The following ATP10B variants were observed in gnomAD, a reference collection of about 807,000 sequenced individuals.
The protein encoded by ATP10B is ATPase phospholipid transporting 10B (putative).
Under a neutral mutation model 141.2 loss-of-function variants are expected in ATP10B, and 122 were observed. The observed-to-expected ratio is 0.86, with a 90% CI of 0.75 to 1.00. The LOEUF is 1.00. ATP10B is among the 50% of genes least tolerant of loss of function. ATP10B has a pLI of 0.00. For missense variants in ATP10B, 1,876 were observed against 1,825.3 expected (o/e 1.03, Z -0.51); for synonymous variants, 685 against 692.0 (o/e 0.99, Z 0.16).
At chr5:160,629,052 T>C (rs1369207687) in intron 13 of ATP10B, among the ~76,000 whole-genome samples, 2 of 152,174 alleles carry the variant, frequency 1.3e-5, no homozygotes, top group Admixed American at 6.5e-5. Flanking sequence ...GGTGGTAGAA[T>C]GCTCCCTGGA....
At chr5:160,623,642 C>A (rs1228012370) in intron 13 of ATP10B, among the ~76,000 whole-genome samples, 3 of 152,176 alleles carry the variant, frequency 2.0e-5, no homozygotes, top group East Asian at 3.9e-4. Flanking sequence ...TTGAACCATC[C>A]CTTTGGAATT....
intron 22 of ATP10B, among the ~76,000 whole-genome samples, chr5:160,595,328 G>A (rs1756601255): frequency 6.6e-6 from 1 of 151,962 alleles, no homozygotes. Flanking sequence ...AAATAAAGAT[G>A]TTCTTTGAAA....
chr5:160,831,985 T>C (rs771159150), intron 1 of ATP10B, among the ~76,000 whole-genome samples: 2 of 152,122 alleles, frequency 1.3e-5, no homozygotes, highest in Non-Finnish European at 2.9e-5. Context: ...AATCCTTTTA[T>C]AGAACAATAA....
intron 5 of ATP10B, among the ~76,000 whole-genome samples, chr5:160,686,516 T>C (rs1234830735): frequency 6.6e-6 from 1 of 152,202 alleles, no homozygotes; most frequent in Admixed American, 6.5e-5. Context: ...TTGTGAGATT[T>C]TGGTGCATCC....
At chr5:160,606,721 T>A (rs761954537) in intron 19 of ATP10B, 44 bp downstream of exon 19, 2 of 1,577,948 alleles carry the variant, frequency 1.3e-6, no homozygotes, top group South Asian at 2.4e-5. Context: ...TTTCATCAGA[T>A]CATCCCTGCC....
chr5:160,671,968 CCTTTTT>C (rs1431311954), intron 6 of ATP10B, among the ~76,000 whole-genome samples: 1 of 73,420 alleles, frequency 1.4e-5, no homozygotes, highest in African/African-American at 5.0e-5. Flanking sequence ...GGCAATGCAT[CCTTTTT>C]TTTTTTTTTT....
intron 1 of ATP10B, among the ~76,000 whole-genome samples, chr5:160,827,824 G>A (rs140079536): frequency 0.01 from 1,551 of 152,234 alleles, 17 homozygotes; most frequent in South Asian, 0.024. Context: ...TTATTGAAAA[G>A]CAATTCATTT....
chr5:160,715,199 C>G (rs971213751), intron 3 of ATP10B, among the ~76,000 whole-genome samples: 3 of 142,592 alleles, frequency 2.1e-5, no homozygotes, highest in Non-Finnish European at 4.6e-5. Flanking sequence ...CAATGGCGGG[C>G]GCCCCTCCCC....
the ATP10B span, among the ~76,000 whole-genome samples, chr5:160,872,350 T>A: frequency 6.6e-6 from 1 of 152,240 alleles, no homozygotes; most frequent in Non-Finnish European, 1.5e-5. Context: ...TGCTGACTGT[T>A]CCTTTTGCCA....
At chr5:160,830,773 A>C (rs1453714762) in intron 1 of ATP10B, among the ~76,000 whole-genome samples, 1 of 152,084 alleles carries the variant, frequency 6.6e-6, no homozygotes, top group African/African-American at 2.4e-5. Context: ...GAAGACAGCA[A>C]ATATAATGGA....
chr5:160,677,243 T>C (rs1490081672), intron 6 of ATP10B, among the ~76,000 whole-genome samples: 2 of 152,184 alleles, frequency 1.3e-5, no homozygotes, highest in Admixed American at 6.5e-5. Context: ...TCTCCTGAAA[T>C]GACAAGCTGA....
rs777985392 is a variant in ATP10B at position 160,687,863 on chromosome 5, G to T, written c.212C>A (p.Thr71Asn). The T allele has an allele frequency of 4.5e-5, 72 of 1,614,030 alleles. No homozygotes were observed. Among genetic ancestry groups the T allele is most frequent in the Non-Finnish European group, 5.9e-5 (70 of 1,180,036 alleles). The change falls in exon 5 of 26, where the codon ACC becomes AAC. Residue 71 changes from threonine to asparagine, a missense_variant. Physicochemically the swap from Thr to Asn is moderately conservative, Grantham distance 65 (BLOSUM62 0). Transcript: ENST00000327245. ...EVSRRYPGNRTCTTKYTLFTF... is the reference protein window; with the variant it reads ...EVSRRYPGNRNCTTKYTLFTF... ...GAAGAGGGTGTATTTGGTTGTGCAG[G>T]TTCTGTTGCCAGGGTATCTCCTGGA...
chr5:160,700,833 C>T (rs1285898785), intron 3 of ATP10B, among the ~76,000 whole-genome samples: 1 of 152,200 alleles, frequency 6.6e-6, no homozygotes, highest in Admixed American at 6.5e-5. Flanking sequence ...GAACGTCAAT[C>T]TCAGTTTGCC....
In ATP10B at chr5:160,622,386, GTCCTT is replaced by G; in HGVS notation, c.1812+3_1812+7del. On this transcript the variant is annotated splice_donor_5th_base_variant and intron_variant, in intron 14 of 25. Coordinates refer to ENST00000327245, the MANE Select transcript of ATP10B (RefSeq NM_025153.3). Reference sequence around the variant, plus strand: ...TACCCTCCTCCCCCAGCCATCGCTGGTCCTTACCCTCTGCCTGGGCTCGGTGGTTG... The same window carrying G: ...TACCCTCCTCCCCCAGCCATCGCTGGACCCTCTGCCTGGGCTCGGTGGTTG... The G allele has an allele frequency of 6.2e-7, 1 of 1,608,350 alleles. No individual in the cohort carries two copies. Among genetic ancestry groups the G allele is most frequent in the South Asian group, 1.1e-5 (1 of 90,034 alleles).
upstream of ATP10B, among the ~76,000 whole-genome samples, chr5:160,854,925 A>G (rs1406634158): frequency 6.6e-6 from 1 of 152,148 alleles, no homozygotes; most frequent in Non-Finnish European, 1.5e-5. Context: ...AAAAGGAATA[A>G]AATAACTGTG....
At chr5:160,744,000 G>C (rs1258656527) in intron 2 of ATP10B, among the ~76,000 whole-genome samples, 2 of 152,142 alleles carry the variant, frequency 1.3e-5, no homozygotes, top group Non-Finnish European at 2.9e-5. Context: ...TGAGAAATCT[G>C]TTCTAGTTCA....
chr5:160,608,673 A>G (rs1348577545), intron 18 of ATP10B, among the ~76,000 whole-genome samples: 2 of 152,142 alleles, frequency 1.3e-5, no homozygotes, highest in Admixed American at 1.3e-4. Flanking sequence ...TATTTCTCTG[A>G]TGGCCAGTGA....
At chr5:160,796,047 TCAC>T (rs1337096927) in intron 1 of ATP10B, among the ~76,000 whole-genome samples, 2 of 152,276 alleles carry the variant, frequency 1.3e-5, no homozygotes, top group East Asian at 1.9e-4. Flanking sequence ...GGCTTTACTG[TCAC>T]CACATTTAGT....
intron 24 of ATP10B, among the ~76,000 whole-genome samples, chr5:160,583,379 G>T (rs1291421833): frequency 1.3e-5 from 2 of 152,156 alleles, no homozygotes; most frequent in Non-Finnish European, 2.9e-5. Flanking sequence ...GACCCTGTTT[G>T]CCTGGATATC....
Sources: gnomAD v4.1 joint callset for allele counts (sites outside exome capture counted in the v4.1 genomes callset) on GRCh38, gnomAD v4.1.1 for gene constraint, MANE v1.5 for transcripts, NCBI Gene and HGNC (gene_info 2026-07-23, HGNC 2026-07-21) for gene names.